BACE2: variants seen among roughly 807,000 people sequenced by gnomAD.
BACE2 encodes beta-secretase 2.
A neutral mutation model predicts 46.2 loss-of-function variants in BACE2; 17 were observed. The observed-to-expected ratio is 0.37, with a 90% CI of 0.25 to 0.55. BACE2 has a LOEUF of 0.55. Among genes scored for constraint, BACE2 ranks in the 20% least tolerant of loss-of-function variants. The probability of loss-of-function intolerance (pLI) is 0.82; values close to 1 mark genes in which losing one functional copy is unlikely to be tolerated. For synonymous variants in BACE2, 277 were observed against 295.9 expected (o/e 0.94, Z 0.66); for missense variants, 595 against 698.1 (o/e 0.85, Z 1.66).
intron 7 of BACE2, among the ~76,000 whole-genome samples, chr21:41,255,001 T>C (rs1987740867): frequency 6.6e-6 from 1 of 152,188 alleles, no homozygotes; most frequent in African/African-American, 2.4e-5. Flanking sequence ...AGGGAGTGAT[T>C]TGATTCCGCT....
intron 5 of BACE2, 124 bp downstream of exon 5, chr21:41,243,634 G>C (rs756984326): frequency 2.3e-5 from 24 of 1,050,406 alleles, no homozygotes; most frequent in Non-Finnish European, 3.2e-5. Context: ...CTCATTACAT[G>C]AAAAGATGCA....
rs537502948 is a variant in BACE2, at chr21:41,249,202, C to T, written c.985-1550C>T. 1.6e-4 allele frequency among the ~76,000 whole-genome samples: 23 copies of T among 144,198 alleles called. 1 individual carries two copies. Among genetic ancestry groups the T allele is most frequent in the African/African-American group, 5.8e-4 (22 of 38,240 alleles). 94.6% of individuals were successfully genotyped at this position (144,198 alleles called of 152,430 possible). A position where few individuals can be genotyped will look rare whatever the true frequency, so the allele number is the denominator to read the frequency against. ...CAGTGGACTCAGGACTAGTGAGCCC[C>T]ACATGTACACTTGGCCTCAGGGGAC... On this transcript the variant is annotated intron_variant, in intron 6 of 8. Transcript: ENST00000330333.
At chr21:41,230,386 A>G (rs996611758) in intron 2 of BACE2, among the ~76,000 whole-genome samples, 1 of 152,228 alleles carries the variant, frequency 6.6e-6, no homozygotes, top group Non-Finnish European at 1.5e-5. Flanking sequence ...TTCAATGTCA[A>G]TTATGTATAA....
chr21:41,234,349 CT>C (rs1219650429), intron 2 of BACE2, among the ~76,000 whole-genome samples: 1 of 152,182 alleles, frequency 6.6e-6, no homozygotes. Flanking sequence ...TAAAAACAGA[CT>C]AATACACCAG....
chr21:41,258,061 T>G (rs1987837833), intron 8 of BACE2, among the ~76,000 whole-genome samples: 2 of 152,132 alleles, frequency 1.3e-5, no homozygotes, highest in Admixed American at 1.3e-4. Flanking sequence ...GAGATTGAAT[T>G]GCCGGAGACA....
chr21:41,225,183 G>A (rs530045882), intron 1 of BACE2, among the ~76,000 whole-genome samples: 2 of 150,564 alleles, frequency 1.3e-5, no homozygotes, highest in Non-Finnish European at 2.9e-5. Context: ...GCACTGAGCC[G>A]AGATCGTGCC....
intron 1 of BACE2, among the ~76,000 whole-genome samples, chr21:41,198,291 C>T (rs1985811037): frequency 6.6e-6 from 1 of 152,146 alleles, no homozygotes; most frequent in Non-Finnish European, 1.5e-5. Flanking sequence ...GTGCCCAGCC[C>T]CCAAAATATA....
intron 8 of BACE2, 30 bp downstream of exon 8, chr21:41,257,356 C>T (rs1196954862): frequency 6.2e-7 from 1 of 1,607,450 alleles, no homozygotes; most frequent in Non-Finnish European, 8.5e-7. Flanking sequence ...AACAGGGATC[C>T]CCGACAAGAG....
chr21:41,178,407 C>T (rs1984940047), intron 1 of BACE2: 1 of 152,168 alleles, frequency 6.6e-6, no homozygotes, highest in South Asian at 2.1e-4. Context: ...AAATTTGAAC[C>T]TGACTCAAAG....
At chr21:41,271,443 A>G (rs1205954841) in intron 8 of BACE2, among the ~76,000 whole-genome samples, 1 of 152,218 alleles carries the variant, frequency 6.6e-6, no homozygotes, top group Non-Finnish European at 1.5e-5. Context: ...CCCTTTACGG[A>G]AAAAGTTTGC....
At chr21:41,188,345 C>T (rs1398540922) in intron 1 of BACE2, among the ~76,000 whole-genome samples, 1 of 152,180 alleles carries the variant, frequency 6.6e-6, no homozygotes, top group Non-Finnish European at 1.5e-5. Context: ...TTGAAAACAA[C>T]TCCCAATATT....
At chr21:41,258,704 T>C (rs576556402) in intron 8 of BACE2, among the ~76,000 whole-genome samples, 3 of 152,350 alleles carry the variant, frequency 2.0e-5, no homozygotes, top group African/African-American at 7.2e-5. Flanking sequence ...ATTCATATTC[T>C]GTATAAATAA....
intron 1 of BACE2, among the ~76,000 whole-genome samples, chr21:41,210,782 AAATG>A (rs1279855241): frequency 6.6e-6 from 1 of 152,316 alleles, no homozygotes; most frequent in African/African-American, 2.4e-5. Flanking sequence ...TGATACACTT[AAATG>A]TTAAGACTCC....
In BACE2 at chr21:41,277,318, A is replaced by G. The variant is rs1484279005; in HGVS notation, c.*1694A>G. 1 of 152,110 alleles carries G rather than the reference A, an allele frequency of 6.6e-6. No individual in the cohort carries two copies. Among genetic ancestry groups the G allele is most frequent in the Non-Finnish European group, 1.5e-5 (1 of 68,050 alleles). 9.4% of individuals were successfully genotyped at this position (152,110 alleles called of 1,614,324 possible). A position where few individuals can be genotyped will look rare whatever the true frequency, so the allele number is the denominator to read the frequency against. On this transcript the variant is annotated 3_prime_UTR_variant, in exon 9 of 9. Transcript: ENST00000330333. ...TGGAAGACTCTCCAGCAGCCAGAAG[A>G]ACCTTCTGTGCTGTTTTCACTAGAG...
chr21:41,255,271 AGAG>A (rs1168251517), intron 7 of BACE2, among the ~76,000 whole-genome samples: 1 of 152,098 alleles, frequency 6.6e-6, no homozygotes, highest in Non-Finnish European at 1.5e-5. Context: ...TCTGGGCTGG[AGAG>A]GAGGAGTTGG....
intron 1 of BACE2, chr21:41,182,029 C>A (rs1985146710): frequency 6.0e-6 from 1 of 167,066 alleles, no homozygotes; most frequent in African/African-American, 2.4e-5. Flanking sequence ...CTATACCCAA[C>A]AAGCCCACAG....
intron 1 of BACE2, among the ~76,000 whole-genome samples, chr21:41,197,130 T>G (rs1985762179): frequency 6.6e-6 from 1 of 151,486 alleles, no homozygotes; most frequent in South Asian, 2.1e-4. Context: ...CCCAACTCGT[T>G]TTTAGTTTTT....
At chr21:41,169,266 A>T (rs952522255) in intron 1 of BACE2, among the ~76,000 whole-genome samples, 1 of 151,052 alleles carries the variant, frequency 6.6e-6, no homozygotes, top group Admixed American at 6.6e-5. Flanking sequence ...GGGTGTGCAG[A>T]GTGTGAAAAG....
At chr21:41,173,012 CTCT>C (rs1349281692) in intron 1 of BACE2, among the ~76,000 whole-genome samples, 1 of 152,192 alleles carries the variant, frequency 6.6e-6, no homozygotes, top group Non-Finnish European at 1.5e-5. Context: ...CCAAATTCCT[CTCT>C]TCTTATAAGG....
Sources: allele counts gnomAD v4.1 joint callset (sites outside exome capture counted in the v4.1 genomes callset), GRCh38; gene constraint gnomAD v4.1.1; transcripts MANE v1.5; gene names NCBI Gene and HGNC (gene_info 2026-07-23, HGNC 2026-07-21).